KCND2: variants seen among roughly 807,000 people sequenced by gnomAD.
KCND2 encodes the protein A-type voltage-gated potassium channel KCND2.
A neutral mutation model predicts 54.4 loss-of-function variants in KCND2; 16 were observed. The observed-to-expected ratio is 0.29, with a 90% CI of 0.20 to 0.45. KCND2 has a LOEUF of 0.45. KCND2 is among the 20% of genes least tolerant of loss of function. The pLI is 1.00. For missense variants in KCND2, 486 were observed against 824.2 expected (o/e 0.59, Z 5.02); for synonymous variants, 317 against 310.7 (o/e 1.02, Z -0.21).
intron 1 of KCND2, among the ~76,000 whole-genome samples, chr7:120,298,669 G>T (rs73429990): frequency 0.021 from 3,248 of 152,248 alleles, 131 homozygotes; most frequent in African/African-American, 0.074. Flanking sequence ...CAAAACAATA[G>T]ATGTTAGACC....
chr7:120,498,207 G>A (rs1802877591), intron 1 of KCND2, among the ~76,000 whole-genome samples: 1 of 152,102 alleles, frequency 6.6e-6, no homozygotes, highest in Admixed American at 6.6e-5. Flanking sequence ...AAGGCCAGGG[G>A]CAGTGGCTAA....
At chr7:120,660,656 G>C (rs911439050) in intron 1 of KCND2, among the ~76,000 whole-genome samples, 5 of 152,200 alleles carry the variant, frequency 3.3e-5, no homozygotes, top group African/African-American at 7.2e-5. Flanking sequence ...ATGTACAAAA[G>C]TATCAATGGG....
At chr7:120,429,614 G>A (rs66977230) in intron 1 of KCND2, among the ~76,000 whole-genome samples, 10,043 of 152,182 alleles carry the variant, frequency 0.066, 1,076 homozygotes, top group East Asian at 0.52. Context: ...TCCATGGAGT[G>A]CCATTATTGT....
intron 1 of KCND2, among the ~76,000 whole-genome samples, chr7:120,702,470 C>G (rs918089127): frequency 2.0e-5 from 3 of 152,114 alleles, no homozygotes; most frequent in African/African-American, 7.2e-5. Context: ...AAATCATTCT[C>G]TCATAAAGAC....
chr7:120,492,234 A>G (rs1423066645), intron 1 of KCND2, among the ~76,000 whole-genome samples: 2 of 152,140 alleles, frequency 1.3e-5, no homozygotes, highest in African/African-American at 2.4e-5. Flanking sequence ...ACATAAAACC[A>G]TAACTTAATA....
At chr7:120,296,141 CTT>C (rs1476760946) in intron 1 of KCND2, among the ~76,000 whole-genome samples, 4 of 152,144 alleles carry the variant, frequency 2.6e-5, no homozygotes, top group East Asian at 3.9e-4. Flanking sequence ...TGCTGGGAAA[CTT>C]ATATATAGTC....
chr7:120,600,057 T>G (rs1379160484), intron 1 of KCND2, among the ~76,000 whole-genome samples: 1 of 151,944 alleles, frequency 6.6e-6, no homozygotes, highest in East Asian at 1.9e-4. Flanking sequence ...CATATTTTCT[T>G]TTTTTAATTT....
chr7:120,668,753 A>G (rs1021467814), intron 1 of KCND2, among the ~76,000 whole-genome samples: 2 of 152,068 alleles, frequency 1.3e-5, no homozygotes, highest in African/African-American at 4.8e-5. Flanking sequence ...TTTGCAGGAA[A>G]CCATTAGATG....
At chr7:120,511,827 C>T (rs1001189575) in intron 1 of KCND2, among the ~76,000 whole-genome samples, 3 of 152,104 alleles carry the variant, frequency 2.0e-5, no homozygotes, top group Non-Finnish European at 4.4e-5. Context: ...GGCTAATATA[C>T]AGCTGTGCAT....
At position 120,741,531 on chromosome 7, in the gene KCND2, T is replaced by C; in HGVS notation, c.1279-3T>C. On this transcript the variant is annotated splice_polypyrimidine_tract_variant and splice_region_variant and intron_variant, in intron 2 of 5. Coordinates refer to ENST00000331113, the MANE Select transcript of KCND2 (RefSeq NM_012281.3). The stretch of plus-strand genomic sequence containing the variant: ...AATGGGATGTTTATTTTTTCTCCTA[T>C]AGAAAGCTAGACTGGCCAGGATCCG... 6.2e-7 allele frequency: 1 copy of C among 1,607,058 alleles called. No homozygotes were observed. The highest frequency in any genetic ancestry group is 1.3e-5 in the African/African-American group (1 of 74,860).
chr7:120,677,556 GAT>G (rs1303716133), intron 1 of KCND2, among the ~76,000 whole-genome samples: 19 of 107,504 alleles, frequency 1.8e-4, no homozygotes, highest in South Asian at 7.8e-4. Context: ...TAGATATATA[GAT>G]ATATAGATAT....
At chr7:120,382,248 G>C (rs1800926085) in intron 1 of KCND2, among the ~76,000 whole-genome samples, 1 of 151,806 alleles carries the variant, frequency 6.6e-6, no homozygotes, top group Non-Finnish European at 1.5e-5. Flanking sequence ...GTTTGAATAT[G>C]AAGCCATGAT....
At chr7:120,530,082 AT>A (rs1440522406) in intron 1 of KCND2, among the ~76,000 whole-genome samples, 3 of 152,144 alleles carry the variant, frequency 2.0e-5, no homozygotes. Flanking sequence ...TCTCAAAAAA[AT>A]AAAAGAGAGA....
rs187379157 is a variant in KCND2 at position 120,444,589 on chromosome 7, T to G, written c.1115+168842T>G. Among the ~76,000 whole-genome samples the G allele has an allele frequency of 2.0e-3, 302 of 152,188 alleles. 1 individual carries two copies. Among genetic ancestry groups the G allele is most frequent in the Non-Finnish European group, 1.8e-3 (122 of 67,970 alleles). On this transcript the variant is annotated intron_variant, in intron 1 of 5. Coordinates refer to ENST00000331113, the MANE Select transcript of KCND2 (RefSeq NM_012281.3). ...TGTAAAACCCTGGATACTCAAATAATGACCAATGTATTCCAATTTTAAGTG... is the reference window on the plus strand; with the variant it reads ...TGTAAAACCCTGGATACTCAAATAAGGACCAATGTATTCCAATTTTAAGTG...
chr7:120,405,379 G>GAT (rs1801336308), intron 1 of KCND2, among the ~76,000 whole-genome samples: 1 of 152,126 alleles, frequency 6.6e-6, no homozygotes, highest in Non-Finnish European at 1.5e-5. Context: ...AGGAGTGACT[G>GAT]ATAGTGCCAC....
intron 1 of KCND2, among the ~76,000 whole-genome samples, chr7:120,576,236 G>A (rs1792432222): frequency 1.3e-5 from 2 of 152,140 alleles, no homozygotes; most frequent in South Asian, 2.1e-4. Flanking sequence ...AAAAATTTTT[G>A]AATGAATTAA....
Position 120,598,618 on chromosome 7 carries a change from C to G in KCND2, c.1116-134285C>G, listed in dbSNP as rs560458114. On this transcript the variant is annotated intron_variant, in intron 1 of 5. Transcript: ENST00000331113. ...TTGGTTTGTTTCATTGTGTTTTACA[C>G]TTTAGACAAGTAGTTTTTCAGATTT... is the stretch of plus-strand genomic sequence containing the variant. Among the ~76,000 whole-genome samples, 449 of 152,046 alleles carry G rather than the reference C, an allele frequency of 3.0e-3. 2 individuals are homozygous for G. The highest frequency in any genetic ancestry group is 0.01 in the African/African-American group (428 of 41,482).
chr7:120,565,740 A>C (rs1792288649), intron 1 of KCND2, among the ~76,000 whole-genome samples: 1 of 152,220 alleles, frequency 6.6e-6, no homozygotes, highest in African/African-American at 2.4e-5. Flanking sequence ...GAAAGATAGA[A>C]GATATAATTG....
intron 1 of KCND2, among the ~76,000 whole-genome samples, chr7:120,369,360 T>A (rs1384866056): frequency 1.3e-5 from 2 of 152,070 alleles, no homozygotes; most frequent in African/African-American, 4.8e-5. Context: ...AGAAAAAAGA[T>A]ACTATTTTAA....
Sources: allele counts gnomAD v4.1 joint callset (sites outside exome capture counted in the v4.1 genomes callset), GRCh38; gene constraint gnomAD v4.1.1; transcripts MANE v1.5; gene names NCBI Gene and HGNC (gene_info 2026-07-23, HGNC 2026-07-21).